The following ZNF385D variants were observed in gnomAD, a reference collection of about 807,000 sequenced individuals.
The protein encoded by ZNF385D is zinc finger protein 385D.
Under a neutral mutation model 35.8 loss-of-function variants are expected in ZNF385D, and 15 were observed. The observed-to-expected ratio is 0.42, with a 90% CI of 0.28 to 0.64. The LOEUF is 0.64. Among genes scored for constraint, ZNF385D ranks in the 30% least tolerant of loss-of-function variants. ZNF385D has a pLI of 0.23. For missense variants in ZNF385D, 474 were observed against 494.6 expected, an observed-to-expected ratio of 0.96 and a Z score of 0.39; for synonymous variants, 212 against 186.8, an observed-to-expected ratio of 1.13 and a Z score of -1.10.
intron 2 of ZNF385D, among the ~76,000 whole-genome samples, chr3:22,342,747 A>C (rs1372113870): frequency 1.3e-5 from 2 of 152,222 alleles, no homozygotes; most frequent in African/African-American, 2.4e-5. Flanking sequence ...AAGAATATAG[A>C]AAATAATACC....
At chr3:21,425,744 AG>A in intron 5 of ZNF385D, 74 bp from the exon 6 acceptor site, 3 of 1,411,316 alleles carry the variant, frequency 2.1e-6, no homozygotes, top group Non-Finnish European at 2.8e-6. Flanking sequence ...GTGGGATGGG[AG>A]GAAAAAAATC....
At chr3:21,744,466 C>G (rs2069668115) in intron 1 of ZNF385D, among the ~76,000 whole-genome samples, 1 of 152,194 alleles carries the variant, frequency 6.6e-6, no homozygotes, top group Non-Finnish European at 1.5e-5. Flanking sequence ...CTTCTGCCAT[C>G]ATAAATGACA....
At chr3:21,755,647 A>G (rs374964392), upstream of ZNF385D, among the ~76,000 whole-genome samples, 1 of 152,210 alleles carries the variant, frequency 6.6e-6, no homozygotes. Flanking sequence ...TATAGCATTT[A>G]AACTTAGTGT....
chr3:22,293,257 A>C (rs1362264707), intron 2 of ZNF385D, among the ~76,000 whole-genome samples: 1 of 152,132 alleles, frequency 6.6e-6, no homozygotes, highest in Non-Finnish European at 1.5e-5. Flanking sequence ...GGCAACCAGG[A>C]GTCAGAAATA....
At chr3:22,344,875 ACTTCAATGT>A (rs1695587289) in intron 2 of ZNF385D, among the ~76,000 whole-genome samples, 1 of 152,108 alleles carries the variant, frequency 6.6e-6, no homozygotes, top group Non-Finnish European at 1.5e-5. Context: ...AACTATTTAA[ACTTCAATGT>A]GCATGACAGT....
Position 22,323,665 on chromosome 3 carries a change from AAC to A in ZNF385D, c.106+48783_106+48784del, listed in dbSNP as rs769775656. Among the ~76,000 whole-genome samples, 7 of 152,208 alleles carry A rather than the reference AAC, an allele frequency of 4.6e-5. No individual in the cohort carries two copies. The East Asian group carries it at 7.7e-4, about 17-fold the overall frequency. ...AAATAAAAATTATTAAAGCTACGGT[AAC>A]ACAAAAATTCTACAGAACATCTGTT... On this transcript the variant is annotated intron_variant, in intron 2 of 5. Transcript: ENST00000494108.
chr3:21,433,583 G>A (rs1317577363), intron 5 of ZNF385D, among the ~76,000 whole-genome samples: 3 of 152,134 alleles, frequency 2.0e-5, no homozygotes, highest in Non-Finnish European at 4.4e-5. Flanking sequence ...CTAAGTGTAG[G>A]AAACAGTGGA....
upstream of ZNF385D, among the ~76,000 whole-genome samples, chr3:21,755,757 T>G (rs553316940): frequency 6.6e-6 from 1 of 151,862 alleles, no homozygotes; most frequent in East Asian, 1.9e-4. Context: ...ACAAATTCAT[T>G]ATTTATCTAT....
chr3:21,780,518 T>C (rs2071448549), intron 3 of ZNF385D, among the ~76,000 whole-genome samples: 1 of 152,082 alleles, frequency 6.6e-6, no homozygotes, highest in Non-Finnish European at 1.5e-5. Flanking sequence ...CTGAAAAATA[T>C]GAATACATTT....
chr3:22,163,858 A>C (rs565207404), intron 3 of ZNF385D, among the ~76,000 whole-genome samples: 1 of 152,302 alleles, frequency 6.6e-6, no homozygotes, highest in South Asian at 2.1e-4. Flanking sequence ...AAGGAGAAGA[A>C]TGAAAGAATT....
intron 2 of ZNF385D, among the ~76,000 whole-genome samples, chr3:22,366,202 T>C (rs1696648952): frequency 6.6e-6 from 1 of 152,090 alleles, no homozygotes; most frequent in Non-Finnish European, 1.5e-5. Flanking sequence ...CATACTTCCT[T>C]GCCCCTAAAA....
At chr3:21,990,762 T>A (rs1028789486) in intron 3 of ZNF385D, among the ~76,000 whole-genome samples, 2 of 152,232 alleles carry the variant, frequency 1.3e-5, no homozygotes, top group Admixed American at 1.3e-4. Flanking sequence ...AAAAACTGTA[T>A]GAGCTGAAAC....
intron 1 of ZNF385D, among the ~76,000 whole-genome samples, chr3:21,726,111 T>C (rs112953341): frequency 6.6e-6 from 1 of 152,142 alleles, no homozygotes; most frequent in African/African-American, 2.4e-5. Flanking sequence ...GAGAAGGCCT[T>C]CGACAAAATT....
intron 2 of ZNF385D, among the ~76,000 whole-genome samples, chr3:22,352,931 C>G (rs1695983570): frequency 6.6e-6 from 1 of 152,136 alleles, no homozygotes; most frequent in African/African-American, 2.4e-5. Flanking sequence ...ATTAGAAGCT[C>G]TCTTCCTTCC....
At chr3:21,815,644 C>T (rs139559305) in intron 3 of ZNF385D, among the ~76,000 whole-genome samples, 2 of 152,118 alleles carry the variant, frequency 1.3e-5, no homozygotes, top group East Asian at 1.9e-4. Context: ...AAGTTGAATC[C>T]CTGAATAGAC....
At chr3:22,016,430 A>T (rs906134879) in intron 3 of ZNF385D, among the ~76,000 whole-genome samples, 1 of 152,152 alleles carries the variant, frequency 6.6e-6, no homozygotes. Flanking sequence ...CAAATTGTGC[A>T]GACCAAGGTA....
chr3:21,985,862 T>G (rs1694772488), intron 3 of ZNF385D, among the ~76,000 whole-genome samples: 1 of 125,434 alleles, frequency 8.0e-6, no homozygotes, highest in African/African-American at 3.6e-5. Context: ...ATTGGTCTAT[T>G]CAGAGATTCA....
chr3:21,879,369 C>T (rs1184255396), intron 3 of ZNF385D, among the ~76,000 whole-genome samples: 1 of 151,958 alleles, frequency 6.6e-6, no homozygotes, highest in Admixed American at 6.6e-5. Flanking sequence ...AGAGTGCTGG[C>T]TCTCAGCTAC....
At chr3:22,023,464 G>A (rs1263845552) in intron 3 of ZNF385D, among the ~76,000 whole-genome samples, 1 of 152,088 alleles carries the variant, frequency 6.6e-6, no homozygotes, top group African/African-American at 2.4e-5. Context: ...AACTAAATCT[G>A]ATTTCTTCTT....
Sources: gnomAD v4.1 joint callset for allele counts (sites outside exome capture counted in the v4.1 genomes callset) on GRCh38, gnomAD v4.1.1 for gene constraint, MANE v1.5 for transcripts, NCBI Gene and HGNC (gene_info 2026-07-23, HGNC 2026-07-21) for gene names.